Variants in SLC31A1 observed in about 807,000 individuals in gnomAD.
SLC31A1 encodes the protein high affinity copper uptake protein 1.
In SLC31A1, 5 loss-of-function variants were observed where a neutral mutation model predicts 17.2. The observed-to-expected ratio is 0.29, with a 90% CI of 0.15 to 0.61. The LOEUF (loss-of-function observed/expected upper bound fraction) is 0.61. Among genes scored for constraint, SLC31A1 ranks in the 20% least tolerant of loss-of-function variants. The pLI, the probability that SLC31A1 is intolerant of heterozygous loss-of-function variation, is 0.86. For synonymous variants in SLC31A1, 76 were observed against 78.8 expected, an observed-to-expected ratio of 0.96 and a Z score of 0.19; for missense variants, 161 against 241.4, an observed-to-expected ratio of 0.67 and a Z score of 2.21.
intron 1 of SLC31A1, among the ~76,000 whole-genome samples, chr9:113,232,798 C>T (rs903754157): frequency 2.6e-5 from 4 of 151,382 alleles, no homozygotes; most frequent in South Asian, 4.2e-4. Context: ...GAGCCGAGAT[C>T]GCACCACTGC....
chr9:113,257,895 C>T (rs1035856571), intron 3 of SLC31A1, among the ~76,000 whole-genome samples: 4 of 152,110 alleles, frequency 2.6e-5, no homozygotes, highest in Admixed American at 6.6e-5. Context: ...TTCAATTTTA[C>T]AATAAATTAA....
chr9:113,233,565 G>A (rs1294060723), intron 1 of SLC31A1, among the ~76,000 whole-genome samples: 1 of 152,178 alleles, frequency 6.6e-6, no homozygotes, highest in Non-Finnish European at 1.5e-5. Flanking sequence ...CTCCCTCTGG[G>A]ATTTAGAGAT....
chr9:113,247,831 GAAAC>G (rs1475451318), intron 1 of SLC31A1, among the ~76,000 whole-genome samples: 1 of 152,104 alleles, frequency 6.6e-6, no homozygotes, highest in African/African-American at 2.4e-5. Context: ...CAGAACAATA[GAAAC>G]AAGTTGGCAC....
chr9:113,253,989 C>G (rs10981704), intron 1 of SLC31A1, among the ~76,000 whole-genome samples: 52,445 of 136,876 alleles, frequency 0.38, 10,193 homozygotes, highest in Middle Eastern at 0.48. Flanking sequence ...AGATAGTCTC[C>G]TGTCACCTAG....
intron 1 of SLC31A1, among the ~76,000 whole-genome samples, chr9:113,253,123 T>C (rs866541168): frequency 6.6e-6 from 1 of 151,914 alleles, no homozygotes; most frequent in Admixed American, 6.6e-5. Flanking sequence ...CCGGCTAATT[T>C]TTTTGTGTTT....
intron 1 of SLC31A1, among the ~76,000 whole-genome samples, chr9:113,233,024 T>C (rs1831417961): frequency 6.6e-6 from 1 of 152,206 alleles, no homozygotes; most frequent in African/African-American, 2.4e-5. Context: ...AGTAAGTGTT[T>C]AAGTGTATAC....
chr9:113,239,709 G>A (rs1028474840), intron 1 of SLC31A1, among the ~76,000 whole-genome samples: 4 of 152,126 alleles, frequency 2.6e-5, no homozygotes, highest in Admixed American at 1.3e-4. Flanking sequence ...TCAGCCTCCC[G>A]AGTAGCTGGG....
intron 1 of SLC31A1, chr9:113,227,551 GCC>G (rs1318967710): frequency 6.6e-6 from 1 of 152,200 alleles, no homozygotes; most frequent in African/African-American, 2.4e-5. Flanking sequence ...ACCATGTCCA[GCC>G]TCATTTGCAT....
chr9:113,221,966 T>C (rs1831281020), intron 1 of SLC31A1, among the ~76,000 whole-genome samples: 1 of 152,208 alleles, frequency 6.6e-6, no homozygotes, highest in Non-Finnish European at 1.5e-5. Context: ...TCAGAGGCCA[T>C]GGATTTCAAT....
At chr9:113,223,955 A>C (rs987996666) in intron 1 of SLC31A1, among the ~76,000 whole-genome samples, 1 of 152,262 alleles carries the variant, frequency 6.6e-6, no homozygotes, top group Non-Finnish European at 1.5e-5. Context: ...TAACTGAAGA[A>C]GTAAGTTAAA....
intron 1 of SLC31A1, among the ~76,000 whole-genome samples, chr9:113,228,546 T>C (rs572810593): frequency 6.6e-6 from 1 of 152,362 alleles, no homozygotes; most frequent in African/African-American, 2.4e-5. Flanking sequence ...TGGAAGAATG[T>C]AGTTGTACAC....
intron 1 of SLC31A1, among the ~76,000 whole-genome samples, chr9:113,240,781 G>A (rs1831512765): frequency 6.6e-6 from 1 of 152,130 alleles, no homozygotes; most frequent in Non-Finnish European, 1.5e-5. Flanking sequence ...CAGGCACGGT[G>A]GCTCACACCT....
intron 1 of SLC31A1, among the ~76,000 whole-genome samples, chr9:113,222,005 C>T (rs1831282163): frequency 6.6e-6 from 1 of 152,184 alleles, no homozygotes; most frequent in Admixed American, 6.5e-5. Flanking sequence ...TCAGAATTTA[C>T]AGATAGGGAG....
chr9:113,240,133 T>C (rs1309114789), intron 1 of SLC31A1, among the ~76,000 whole-genome samples: 1 of 152,238 alleles, frequency 6.6e-6, no homozygotes, highest in East Asian at 1.9e-4. Flanking sequence ...TTCACCGTTA[T>C]TCTCTGCCAC....
intron 1 of SLC31A1, chr9:113,255,813 A>G (rs1389986684): frequency 5.6e-6 from 1 of 177,850 alleles, no homozygotes; most frequent in Non-Finnish European, 1.2e-5. Flanking sequence ...AGATTATGAA[A>G]AATAATTCTG....
Position 113,261,529 on chromosome 9 carries a change from A to G in SLC31A1, c.*1056A>G, listed in dbSNP as rs1048269271. On this transcript the variant is annotated 3_prime_UTR_variant, in exon 5 of 5. Transcript: ENST00000374212. ...AGAAAATAGAAATAGATATTTTTAA[A>G]TAAAACCATTCACAGTTTACTTTGT... 2.6e-5 allele frequency: 4 copies of G among 152,690 alleles called. No individual in the cohort carries two copies. Among genetic ancestry groups the G allele is most frequent in the African/African-American group, 7.2e-5 (3 of 41,470 alleles). 9.5% of individuals were successfully genotyped at this position (152,690 alleles called of 1,614,324 possible). A position where few individuals can be genotyped will look rare whatever the true frequency, so the allele number is the denominator to read the frequency against.
chr9:113,239,733 G>A (rs1327407078), intron 1 of SLC31A1, among the ~76,000 whole-genome samples: 3 of 152,290 alleles, frequency 2.0e-5, no homozygotes, highest in African/African-American at 7.2e-5. Context: ...ACAGGCATGC[G>A]CCACCACGCC....
intron 1 of SLC31A1, among the ~76,000 whole-genome samples, chr9:113,240,034 T>C (rs542158926): frequency 6.6e-6 from 1 of 152,320 alleles, no homozygotes; most frequent in Admixed American, 6.5e-5. Flanking sequence ...TAAACTCCAA[T>C]AATTAATTTA....
intron 1 of SLC31A1, among the ~76,000 whole-genome samples, chr9:113,255,276 T>C (rs1019287054): frequency 6.6e-6 from 1 of 152,264 alleles, no homozygotes; most frequent in Non-Finnish European, 1.5e-5. Flanking sequence ...CATTTATGAT[T>C]AGAAAGCCTT....
Sources: allele counts gnomAD v4.1 joint callset (sites outside exome capture counted in the v4.1 genomes callset), GRCh38; gene constraint gnomAD v4.1.1; transcripts MANE v1.5; gene names NCBI Gene and HGNC (gene_info 2026-07-23, HGNC 2026-07-21).